ABLIM1: variants seen among roughly 807,000 people sequenced by gnomAD.
The protein encoded by ABLIM1 is actin-binding LIM protein 1.
Under a neutral mutation model 107.0 loss-of-function variants are expected in ABLIM1, and 40 were observed. The observed-to-expected ratio is 0.37, with a 90% CI of 0.29 to 0.49. ABLIM1 has a LOEUF of 0.49. Ranked by LOEUF, ABLIM1 falls within the 20% of genes least tolerant of loss-of-function variation. The pLI is 0.97. For synonymous variants in ABLIM1, 357 were observed against 357.3 expected (o/e 1.00, Z 0.01); for missense variants, 857 against 1,008.5 (o/e 0.85, Z 2.04).
chr10:114,585,219 G>T (rs993251543), intron 2 of ABLIM1, among the ~76,000 whole-genome samples: 1 of 152,110 alleles, frequency 6.6e-6, no homozygotes, highest in East Asian at 1.9e-4. Flanking sequence ...GGACTCAAAG[G>T]TAAGTTTTAT....
Position 114,533,080 on chromosome 10 carries a change from C to G in ABLIM1, c.894+11925G>C, listed in dbSNP as rs141187255. Among the ~76,000 whole-genome samples the G allele has an allele frequency of 2.5e-3, 387 of 152,254 alleles. 14 individuals are homozygous for G. In the East Asian group the frequency reaches 0.069, roughly 27 times the overall value. On this transcript the variant is annotated intron_variant, in intron 6 of 22. Coordinates refer to ENST00000533213, the MANE Select transcript of ABLIM1 (RefSeq NM_002313.7). ...ACTGGCCAGGTGCAGTGGCTCACGC[C>G]TGTTATCCCAGCACTTTGGGTGGCT...
the ABLIM1 span, among the ~76,000 whole-genome samples, chr10:114,786,893 T>C: frequency 3.3e-5 from 5 of 152,134 alleles, no homozygotes; most frequent in African/African-American, 9.7e-5. Context: ...AGTGTGGAGA[T>C]TGCAGCCTCT....
intron 1 of ABLIM1, among the ~76,000 whole-genome samples, chr10:114,680,967 C>T (rs984086256): frequency 6.6e-6 from 1 of 152,094 alleles, no homozygotes; most frequent in Non-Finnish European, 1.5e-5. Flanking sequence ...TATGACTCAC[C>T]AGGAGACCCT....
At chr10:114,547,158 T>A (rs80244831) in intron 5 of ABLIM1, among the ~76,000 whole-genome samples, 1,439 of 70,876 alleles carry the variant, frequency 0.02, 6 homozygotes, top group African/African-American at 0.028. Flanking sequence ...AGGCTACATT[T>A]AAAAAAAAAA....
intron 1 of ABLIM1, among the ~76,000 whole-genome samples, chr10:114,702,574 T>G (rs558098934): frequency 6.7e-6 from 1 of 149,522 alleles, no homozygotes; most frequent in African/African-American, 2.5e-5. Flanking sequence ...TCTCCCAGGC[T>G]GGAGTGCAGT....
chr10:114,473,310 T>C (rs1565458161), intron 9 of ABLIM1, among the ~76,000 whole-genome samples, 178 bp from the exon 10 acceptor site: 2 of 152,194 alleles, frequency 1.3e-5, no homozygotes, highest in South Asian at 4.1e-4. Context: ...ATATTAATCA[T>C]GTTTTTTTAA....
At chr10:114,570,177 C>T (rs570039815) in intron 4 of ABLIM1, among the ~76,000 whole-genome samples, 6 of 152,330 alleles carry the variant, frequency 3.9e-5, no homozygotes, top group Admixed American at 2.6e-4. Context: ...ACCTCTAGTT[C>T]ACTTCCTAAT....
At chr10:114,460,515 C>T (rs1031893283) in intron 12 of ABLIM1, among the ~76,000 whole-genome samples, 2 of 152,164 alleles carry the variant, frequency 1.3e-5, no homozygotes, top group Non-Finnish European at 2.9e-5. Flanking sequence ...GCAGAAGAAT[C>T]GCTTGAAGCT....
At chr10:114,749,840 G>T (rs567244372) in intron 1 of ABLIM1, among the ~76,000 whole-genome samples, 1 of 151,978 alleles carries the variant, frequency 6.6e-6, no homozygotes, top group Non-Finnish European at 1.5e-5. Context: ...CCCATAGCTC[G>T]CTTTCTCCGC....
chr10:114,511,614 C>G (rs1418719692), intron 6 of ABLIM1, among the ~76,000 whole-genome samples: 2 of 152,108 alleles, frequency 1.3e-5, no homozygotes, highest in Non-Finnish European at 2.9e-5. Context: ...ATCCACCCGC[C>G]TCAGCCTCCC....
intron 1 of ABLIM1, chr10:114,613,795 T>C: frequency 7.9e-7 from 1 of 1,258,486 alleles, no homozygotes; most frequent in Non-Finnish European, 1.0e-6. Context: ...GGCTCCTGAC[T>C]CCTCCCAGAC....
intron 1 of ABLIM1, among the ~76,000 whole-genome samples, chr10:114,747,643 T>C (rs566245032): frequency 4.6e-5 from 7 of 152,236 alleles, no homozygotes; most frequent in Non-Finnish European, 8.8e-5. Flanking sequence ...GTGATATTGA[T>C]AACAGTTGTG....
At position 114,731,329 on chromosome 10, in the gene ABLIM1, A is replaced by T. The variant is rs568319963; in HGVS notation, c.-213+36732T>A. 3.9e-5 allele frequency among the ~76,000 whole-genome samples: 6 copies of T among 151,936 alleles called. No individual in the cohort carries two copies. The East Asian group carries it at 1.2e-3, about 30-fold the overall frequency. ...ATAATTTTTTTTATTTTTAGTAGAA[A>T]CAGGGTTTCACCATGTTGCCCAGGC... On this transcript the variant is annotated intron_variant, in intron 1 of 15. Coordinates refer to the ABLIM1 transcript ENST00000651092.
rs191305017 is a variant in ABLIM1, at chr10:114,536,684, A to G, written c.894+8321T>C. On this transcript the variant is annotated intron_variant, in intron 6 of 22. Transcript: ENST00000533213. Reference sequence around the variant, plus strand: ...TTTGCTTAATTCATATTTAAAATGAAGCAATTTCTCCAGTTTATTGTCAAG... The same window carrying G: ...TTTGCTTAATTCATATTTAAAATGAGGCAATTTCTCCAGTTTATTGTCAAG... Among the ~76,000 whole-genome samples, 4 of 152,326 alleles carry G rather than the reference A, an allele frequency of 2.6e-5. No homozygotes were observed. The East Asian group carries it at 7.7e-4, about 29-fold the overall frequency.
chr10:114,718,054 A>AAAGAAAG (rs1555227705), intron 1 of ABLIM1, among the ~76,000 whole-genome samples: 2 of 69,392 alleles, frequency 2.9e-5, no homozygotes, highest in East Asian at 6.8e-4. Context: ...AGAAAGAAAG[A>AAAGAAAG]AAGAAAGAAA....
intron 6 of ABLIM1, among the ~76,000 whole-genome samples, chr10:114,525,565 C>A (rs751455982): frequency 3.5e-4 from 54 of 152,212 alleles, no homozygotes; most frequent in Non-Finnish European, 6.2e-4. Context: ...GTGGCAAATT[C>A]ACCTATTCTA....
chr10:114,485,685 T>C (rs2058085690), intron 8 of ABLIM1, among the ~76,000 whole-genome samples: 1 of 152,226 alleles, frequency 6.6e-6, no homozygotes, highest in South Asian at 2.1e-4. Flanking sequence ...TGAAGCCAAC[T>C]GAGAGCCATC....
chr10:114,538,764 G>C (rs1304057974), intron 6 of ABLIM1, among the ~76,000 whole-genome samples: 1 of 152,244 alleles, frequency 6.6e-6, no homozygotes, highest in African/African-American at 2.4e-5. Flanking sequence ...TGCCTGCTCA[G>C]GGAAGTACCA....
At chr10:114,628,986 G>GGATA (rs1016430094) in intron 1 of ABLIM1, among the ~76,000 whole-genome samples, 3 of 152,100 alleles carry the variant, frequency 2.0e-5, no homozygotes, top group African/African-American at 7.2e-5. Context: ...CTTTGTTACA[G>GGATA]GATACAGCAA....
Sources: gnomAD v4.1 joint callset for allele counts (sites outside exome capture counted in the v4.1 genomes callset) on GRCh38, gnomAD v4.1.1 for gene constraint, MANE v1.5 for transcripts, NCBI Gene and HGNC (gene_info 2026-07-23, HGNC 2026-07-21) for gene names.